The following EVC2 variants were observed in gnomAD, a reference collection of about 807,000 sequenced individuals.
EVC2 encodes the protein limbin.
Under a neutral mutation model 149.3 loss-of-function variants are expected in EVC2, and 148 were observed. That is an observed-to-expected ratio of 0.99 (90% CI 0.87 to 1.14). The LOEUF (loss-of-function observed/expected upper bound fraction) is 1.14. Ranked by LOEUF, EVC2 falls within the 50% of genes most tolerant of loss-of-function variation. The pLI, the probability that EVC2 is intolerant of heterozygous loss-of-function variation, is 0.00. For synonymous variants in EVC2, 776 were observed against 649.9 expected, an observed-to-expected ratio of 1.19 and a Z score of -2.95; for missense variants, 1,854 against 1,627.3, an observed-to-expected ratio of 1.14 and a Z score of -2.40.
intron 9 of EVC2, among the ~76,000 whole-genome samples, chr4:5,641,640 G>A (rs1328711312): frequency 6.6e-6 from 1 of 151,608 alleles, no homozygotes; most frequent in African/African-American, 2.4e-5. Flanking sequence ...ATAAAGCGAA[G>A]GAAAGCTACA....
intron 7 of EVC2, among the ~76,000 whole-genome samples, chr4:5,672,963 C>T (rs1719745935): frequency 6.6e-6 from 1 of 152,146 alleles, no homozygotes; most frequent in African/African-American, 2.4e-5. Flanking sequence ...GAGACAGAAG[C>T]AGATGAGTGG....
At position 5,631,973 on chromosome 4, in the gene EVC2, C is replaced by T. The variant is rs750953517; in HGVS notation, c.1530G>A (p.Leu510=). The T allele has an allele frequency of 3.1e-5, 50 of 1,614,122 alleles. No homozygotes were observed. Among genetic ancestry groups the T allele is most frequent in the Non-Finnish European group, 4.2e-6 (5 of 1,180,062 alleles). The change falls in exon 11 of 22, where the codon TTG becomes TTA. Residue 510 remains leucine, a synonymous_variant. Transcript: ENST00000344408. ...CTTGTTGCAAAGCGAGAGACTTCCTCAAGTGCTCCTGTTCCAGGCCATGGA... is the reference window on the plus strand; with the variant it reads ...CTTGTTGCAAAGCGAGAGACTTCCTTAAGTGCTCCTGTTCCAGGCCATGGA... ...RTLHGLEQEH[L]RKSLALQQEE...
At chr4:5,551,648 G>T (rs1721741349) in intron 21 of EVC2, among the ~76,000 whole-genome samples, 1 of 152,304 alleles carries the variant, frequency 6.6e-6, no homozygotes, top group East Asian at 1.9e-4. Context: ...GGGAAGGCAT[G>T]ATTGATTTTG....
At chr4:5,708,574 A>ACCGGT (rs984932880), upstream of EVC2, 2 of 1,217,516 alleles carry the variant, frequency 1.6e-6, no homozygotes, top group Non-Finnish European at 2.1e-6. Flanking sequence ...GAGCTTCCGG[A>ACCGGT]CCCCAGGCCC....
intron 1 of EVC2, among the ~76,000 whole-genome samples, chr4:5,698,071 A>G (rs556136925): frequency 5.0e-4 from 76 of 152,232 alleles, no homozygotes; most frequent in Non-Finnish European, 7.5e-4. Flanking sequence ...ACTTTCATCC[A>G]GAAGTGTGAA....
Position 5,570,584 on chromosome 4 carries a change from T to C in EVC2, c.3361-1944A>G, listed in dbSNP as rs1030210957. 2.6e-5 allele frequency among the ~76,000 whole-genome samples: 4 copies of C among 152,366 alleles called. No homozygotes were observed. The East Asian group carries it at 5.8e-4, about 22-fold the overall frequency. ...AGTTCAACCACTATGGAAAACAGTA[T>C]GGAGGTTCCTTAAAGAACTAAAAGT... On this transcript the variant is annotated intron_variant, in intron 19 of 21. Coordinates refer to ENST00000344408, the MANE Select transcript of EVC2 (RefSeq NM_147127.5).
intron 7 of EVC2, among the ~76,000 whole-genome samples, chr4:5,678,265 G>A (rs981623402): frequency 6.6e-6 from 1 of 152,136 alleles, no homozygotes; most frequent in Admixed American, 6.5e-5. Flanking sequence ...GAGTGCCTAC[G>A]TGGCCAGCCC....
At chr4:5,536,842 C>G in the EVC2 span, among the ~76,000 whole-genome samples, 8 of 151,724 alleles carry the variant, frequency 5.3e-5, no homozygotes, top group Non-Finnish European at 1.5e-5. Flanking sequence ...TTTCCCAAAG[C>G]CTCAGGAGAA....
At chr4:5,573,890 C>T (rs1441830248) in intron 19 of EVC2, among the ~76,000 whole-genome samples, 1 of 152,216 alleles carries the variant, frequency 6.6e-6, no homozygotes, top group Non-Finnish European at 1.5e-5. Context: ...CGAGGGAAAC[C>T]TGCTGCAGGG....
exon 22 of EVC2, chr4:5,543,164 C>A: frequency 7.8e-7 from 1 of 1,289,888 alleles, no homozygotes; most frequent in Non-Finnish European, 1.0e-6. Context: ...TTAACCCAAT[C>A]TCTGGAGTCC....
chr4:5,615,304 G>C (rs1254605211), intron 16 of EVC2, 118 bp downstream of exon 16: 2 of 1,529,302 alleles, frequency 1.3e-6, no homozygotes, highest in African/African-American at 2.7e-5. Flanking sequence ...TGAGTGAGCG[G>C]TTGGGTGGAG....
chr4:5,656,241 G>A (rs1718511914), intron 9 of EVC2, among the ~76,000 whole-genome samples: 2 of 152,136 alleles, frequency 1.3e-5, no homozygotes, highest in African/African-American at 4.8e-5. Flanking sequence ...CAGCATGCCA[G>A]TGTCTAAGAA....
At chr4:5,666,308 A>G (rs1311017779) in intron 7 of EVC2, among the ~76,000 whole-genome samples, 1 of 145,480 alleles carries the variant, frequency 6.9e-6, no homozygotes, top group Non-Finnish European at 1.5e-5. Flanking sequence ...TTTAAAAGAC[A>G]ATATTATTAT....
rs1343024378 is a variant in EVC2 at position 5,677,493 on chromosome 4, A to C, written c.870+3767T>G. Among the ~76,000 whole-genome samples, 3 of 152,300 alleles carry C rather than the reference A, an allele frequency of 2.0e-5. No homozygotes were observed. In the East Asian group the frequency reaches 5.8e-4, roughly 29 times the overall value. The stretch of plus-strand genomic sequence containing the variant: ...CTCCACGGCCAGGACTTGCATCCAC[A>C]GGTCTGCATCCCAGGGGGCAACTAT... On this transcript the variant is annotated intron_variant, in intron 7 of 21. Coordinates refer to ENST00000344408, the MANE Select transcript of EVC2 (RefSeq NM_147127.5). This position sits in a 1 kb window ranked among gnomAD's most constrained non-coding sequence, Gnocchi z 4.3.
chr4:5,693,499 G>A (rs1213557494), intron 3 of EVC2, among the ~76,000 whole-genome samples: 2 of 152,250 alleles, frequency 1.3e-5, no homozygotes, highest in African/African-American at 4.8e-5. Context: ...AGGATGGCCT[G>A]GAGCCACCAG....
At chr4:5,581,279 G>A (rs1263725134) in intron 17 of EVC2, among the ~76,000 whole-genome samples, 1 of 152,226 alleles carries the variant, frequency 6.6e-6, no homozygotes, top group Admixed American at 6.5e-5. Flanking sequence ...AAAGGAGATT[G>A]GAAGAGTGTG....
intron 17 of EVC2, among the ~76,000 whole-genome samples, chr4:5,579,752 A>T (rs1711593850): frequency 6.6e-6 from 1 of 152,162 alleles, no homozygotes; most frequent in African/African-American, 2.4e-5. Flanking sequence ...GGGGGAGGAC[A>T]ATCAATTGAA....
At chr4:5,650,604 C>T (rs898908512) in intron 9 of EVC2, among the ~76,000 whole-genome samples, 1 of 53,002 alleles carries the variant, frequency 1.9e-5, no homozygotes, top group Non-Finnish European at 3.6e-5. Flanking sequence ...TTTTAATCGC[C>T]ATATATATAT....
chr4:5,581,626 G>C (rs28750483), intron 17 of EVC2, among the ~76,000 whole-genome samples: 96 of 152,320 alleles, frequency 6.3e-4, no homozygotes, highest in African/African-American at 2.0e-3. Context: ...TCATATGTGT[G>C]AGCAAAGAAA....
Sources: allele counts gnomAD v4.1 joint callset (sites outside exome capture counted in the v4.1 genomes callset), GRCh38; gene constraint gnomAD v4.1.1; non-coding constraint Gnocchi (gnomAD v3.1); transcripts MANE v1.5; gene names NCBI Gene and HGNC (gene_info 2026-07-23, HGNC 2026-07-21).